The following KLC1 variants were observed in gnomAD, a reference collection of about 807,000 sequenced individuals.
KLC1 encodes kinesin light chain 1.
KLC1 carries 30 observed loss-of-function variants against 84.2 expected under a neutral mutation model. That is an observed-to-expected ratio of 0.36 (90% CI 0.27 to 0.48). The LOEUF (loss-of-function observed/expected upper bound fraction) is 0.48, where lower values mean the gene tolerates loss of function less well. Among genes scored for constraint, KLC1 ranks in the 20% least tolerant of loss-of-function variants. KLC1 has a pLI of 0.99. For missense variants in KLC1, 499 were observed against 805.4 expected, an observed-to-expected ratio of 0.62 and a Z score of 4.60; for synonymous variants, 289 against 293.3, an observed-to-expected ratio of 0.99 and a Z score of 0.15.
intron 15 of KLC1, chr14:103,696,012 G>T: frequency 1.0e-6 from 1 of 985,214 alleles, no homozygotes; most frequent in South Asian, 4.7e-5. Context: ...CTCCTCCTGT[G>T]TGTGGTCGTT....
At chr14:103,695,734 C>T (rs1252754511) in intron 15 of KLC1, 1 of 985,438 alleles carries the variant, frequency 1.0e-6, no homozygotes, top group African/African-American at 1.7e-5. Flanking sequence ...GGCTTCCAGC[C>T]ATGGGACTTT....
intron 7 of KLC1, among the ~76,000 whole-genome samples, chr14:103,670,951 T>C (rs1476684432): frequency 2.0e-5 from 3 of 151,796 alleles, no homozygotes; most frequent in African/African-American, 4.8e-5. Context: ...GGTCCAGTTA[T>C]GAGGCGTGTG....
chr14:103,650,920 A>G (rs1479377227), intron 1 of KLC1, among the ~76,000 whole-genome samples: 1 of 152,090 alleles, frequency 6.6e-6, no homozygotes, highest in Non-Finnish European at 1.5e-5. Context: ...GAGCTGCAAG[A>G]TAGTTTTCCC....
At chr14:103,683,397 C>G (rs2081527939) in intron 13 of KLC1, 1 of 152,212 alleles carries the variant, frequency 6.6e-6, no homozygotes, top group African/African-American at 2.4e-5. Flanking sequence ...CCGTGAGTCT[C>G]AGTTGGCTCT....
At chr14:103,699,054 T>C (rs2082848515) in intron 15 of KLC1, 1 of 1,565,594 alleles carries the variant, frequency 6.4e-7, no homozygotes. Context: ...GCGCTCAGGC[T>C]TGGTGGCCCC....
In KLC1 at chr14:103,687,228, G is replaced by C; in HGVS notation, c.1781+17G>C. The C allele has an allele frequency of 6.5e-7, 1 of 1,530,774 alleles. No homozygotes were observed. Among genetic ancestry groups the C allele is most frequent in the Non-Finnish European group, 8.8e-7 (1 of 1,133,356 alleles). 94.8% of individuals were successfully genotyped at this position (1,530,774 alleles called of 1,614,324 possible). ...GAACCCCGGGTAACTATCTCTTCCA[G>C]CTCTCCCGACTCCCTGCACGCCGGC... On this transcript the variant is annotated intron_variant, in intron 14 of 16. Coordinates refer to ENST00000334553, the MANE Select transcript of KLC1 (RefSeq NM_001394837.1).
chr14:103,677,939 C>T (rs2151746003), intron 12 of KLC1, among the ~76,000 whole-genome samples: 1 of 146,164 alleles, frequency 6.8e-6, no homozygotes, highest in Non-Finnish European at 1.5e-5. Context: ...TGCACTCCAA[C>T]CTGGGTGACA....
rs2082246167 is a variant in KLC1, at chr14:103,693,630, G to A, written c.1848+1205G>A. 1.3e-6 allele frequency: 2 copies of A among 1,535,618 alleles called. No individual in the cohort carries two copies. Among genetic ancestry groups the A allele is most frequent in the South Asian group, 1.2e-5 (1 of 84,028 alleles). Reference sequence around the variant, plus strand: ...ACCTGGCCCACTGAGAGCCAGCAGGGCTAGGTAACCTGTCTTGGGAGTGTG... The same window carrying A: ...ACCTGGCCCACTGAGAGCCAGCAGGACTAGGTAACCTGTCTTGGGAGTGTG... On this transcript the variant is annotated intron_variant, in intron 15 of 16. Transcript: ENST00000334553. This position sits in a 1 kb window ranked among gnomAD's most constrained non-coding sequence, Gnocchi z 5.1.
intron 5 of KLC1, among the ~76,000 whole-genome samples, chr14:103,667,719 A>G (rs1052182516): frequency 1.3e-5 from 2 of 152,252 alleles, no homozygotes; most frequent in Non-Finnish European, 2.9e-5. Context: ...ATAGGATGAA[A>G]GAAGAAACAA....
At chr14:103,640,707 T>G (rs1317010948) in intron 1 of KLC1, among the ~76,000 whole-genome samples, 1 of 152,186 alleles carries the variant, frequency 6.6e-6, no homozygotes, top group African/African-American at 2.4e-5. Context: ...TTTGGTTTTG[T>G]TTTTATCAAG....
chr14:103,657,958 GC>G (rs1164009971), intron 3 of KLC1, among the ~76,000 whole-genome samples, 182 bp downstream of exon 3: 3 of 152,212 alleles, frequency 2.0e-5, no homozygotes, highest in Admixed American at 6.5e-5. Flanking sequence ...AACAAGGTCT[GC>G]CCCGAGGTCT....
intron 1 of KLC1, among the ~76,000 whole-genome samples, chr14:103,631,172 C>G (rs995996760): frequency 6.6e-6 from 1 of 152,010 alleles, no homozygotes; most frequent in African/African-American, 2.4e-5. Context: ...GCTCCGCCTC[C>G]CGGGTTCACG....
rs2079342349 is a variant in KLC1 at position 103,662,062 on chromosome 14, C to G, written c.493-54C>G. The stretch of plus-strand genomic sequence containing the variant: ...TATTTAATATTAAAAATTTTCAGGA[C>G]AGGATGTGTATAGCACGTGTAAGAT... On this transcript the variant is annotated intron_variant, in intron 3 of 16. Coordinates refer to ENST00000334553, the MANE Select transcript of KLC1 (RefSeq NM_001394837.1). 12 of 1,195,272 alleles carry G rather than the reference C, an allele frequency of 1.0e-5. No individual in the cohort carries two copies. In the East Asian group the frequency reaches 2.6e-4, roughly 26 times the overall value. The allele number at this position is 1,195,272 out of a possible 1,614,324, so 74.0% of individuals were successfully genotyped here. A position where few individuals can be genotyped will look rare whatever the true frequency, so the allele number is the denominator to read the frequency against.
intron 1 of KLC1, among the ~76,000 whole-genome samples, chr14:103,648,619 G>GAA (rs1289175909): frequency 6.7e-6 from 1 of 149,314 alleles, no homozygotes; most frequent in Non-Finnish European, 1.5e-5. Flanking sequence ...CCTCTCTACA[G>GAA]AAAATAAAAA....
intron 5 of KLC1, among the ~76,000 whole-genome samples, chr14:103,668,098 T>C (rs2080038556): frequency 6.6e-6 from 1 of 152,258 alleles, no homozygotes; most frequent in African/African-American, 2.4e-5. Context: ...ATCATCTTCT[T>C]ACAGCAAGAC....
rs1404834385 is a variant in KLC1, at chr14:103,693,554, A to G, written c.1848+1129A>G. 6.5e-7 allele frequency: 1 copy of G among 1,535,968 alleles called. No individual in the cohort carries two copies. Among genetic ancestry groups the G allele is most frequent in the African/African-American group, 1.4e-5 (1 of 73,118 alleles). ...TTTTCTATTTGTTTTTTCATGCAGG[A>G]ACGAAATAATTGTCTGGCCGACTCG... is the stretch of plus-strand genomic sequence containing the variant. On this transcript the variant is annotated intron_variant, in intron 15 of 16. Transcript: ENST00000334553. This position sits in a 1 kb window ranked among gnomAD's most constrained non-coding sequence, Gnocchi z 5.1.
At chr14:103,689,530 TAACTAGACAG>T (rs2081970389) in intron 14 of KLC1, among the ~76,000 whole-genome samples, 1 of 152,234 alleles carries the variant, frequency 6.6e-6, no homozygotes, top group African/African-American at 2.4e-5. Flanking sequence ...CTGTTTTTAT[TAACTAGACAG>T]TAGTCTCAGA....
At chr14:103,648,174 C>G (rs2078103142) in intron 1 of KLC1, among the ~76,000 whole-genome samples, 1 of 152,108 alleles carries the variant, frequency 6.6e-6, no homozygotes. Context: ...TGGTCTCAAT[C>G]TCTTGACCTC....
At chr14:103,698,381 G>C (rs1241779263) in intron 15 of KLC1, 2 of 278,596 alleles carry the variant, frequency 7.2e-6, no homozygotes, top group Non-Finnish European at 1.4e-5. Context: ...CGTGGGCACG[G>C]TCCCAAGGCT....
Sources: gnomAD v4.1 joint callset for allele counts (sites outside exome capture counted in the v4.1 genomes callset) on GRCh38, gnomAD v4.1.1 for gene constraint, Gnocchi (gnomAD v3.1) non-coding constraint, MANE v1.5 for transcripts, NCBI Gene and HGNC (gene_info 2026-07-23, HGNC 2026-07-21) for gene names.